The following SUGCT variants were observed in gnomAD, a reference collection of about 807,000 sequenced individuals.
The protein encoded by SUGCT is succinyl-CoA:glutarate CoA-transferase.
A neutral mutation model predicts 55.0 loss-of-function variants in SUGCT; 41 were observed. The observed-to-expected ratio is 0.74, with a 90% CI of 0.58 to 0.97. The LOEUF (loss-of-function observed/expected upper bound fraction) is 0.97. Among genes scored for constraint, SUGCT ranks in the 50% least tolerant of loss-of-function variants. The pLI, the probability that SUGCT is intolerant of heterozygous loss-of-function variation, is 0.00. For missense variants in SUGCT, 568 were observed against 547.8 expected, an observed-to-expected ratio of 1.04 and a Z score of -0.37; for synonymous variants, 187 against 200.4, an observed-to-expected ratio of 0.93 and a Z score of 0.56.
chr7:40,344,468 C>A (rs1797211828), intron 9 of SUGCT, among the ~76,000 whole-genome samples: 1 of 151,984 alleles, frequency 6.6e-6, no homozygotes, highest in African/African-American at 2.4e-5. Flanking sequence ...TGAAAAAAAT[C>A]AAATGAAGAA....
chr7:40,683,623 C>T (rs534624656), intron 12 of SUGCT, among the ~76,000 whole-genome samples: 3 of 152,146 alleles, frequency 2.0e-5, no homozygotes, highest in Non-Finnish European at 4.4e-5. Context: ...GATGGATACT[C>T]CATTGCTTGA....
chr7:40,383,651 G>A (rs571630438), intron 9 of SUGCT, among the ~76,000 whole-genome samples: 11 of 152,310 alleles, frequency 7.2e-5, no homozygotes, highest in African/African-American at 2.6e-4. Flanking sequence ...TAGATAAAAT[G>A]TAGGAATTCT....
chr7:40,217,010 C>T (rs1036376619), intron 6 of SUGCT, among the ~76,000 whole-genome samples: 5 of 151,240 alleles, frequency 3.3e-5, no homozygotes, highest in Non-Finnish European at 5.9e-5. Context: ...GCTGGCATTT[C>T]CCCCCCCTCA....
At chr7:40,974,573 G>A in the SUGCT span, among the ~76,000 whole-genome samples, 2 of 152,158 alleles carry the variant, frequency 1.3e-5, no homozygotes, top group Admixed American at 6.5e-5. Flanking sequence ...CATTTCTGTT[G>A]TTTAAGCCAC....
chr7:40,897,426 G>GACACACACAC, the SUGCT span, among the ~76,000 whole-genome samples: 5,605 of 148,824 alleles, frequency 0.038, 145 homozygotes, highest in South Asian at 0.084. Context: ...AATAAAGCTG[G>GACACACACAC]ACACACACAC....
chr7:40,985,236 G>A, the SUGCT span, among the ~76,000 whole-genome samples: 1 of 152,188 alleles, frequency 6.6e-6, no homozygotes, highest in Non-Finnish European at 1.5e-5. Flanking sequence ...TTCCTTTCTA[G>A]TGAGGAGCAG....
At chr7:40,738,489 T>C (rs1324171131) in intron 12 of SUGCT, among the ~76,000 whole-genome samples, 1 of 152,192 alleles carries the variant, frequency 6.6e-6, no homozygotes, top group Non-Finnish European at 1.5e-5. Context: ...AAAGGTTGCA[T>C]ATATATAGGT....
the SUGCT span, among the ~76,000 whole-genome samples, chr7:40,899,918 T>C: frequency 6.6e-6 from 1 of 152,124 alleles, no homozygotes; most frequent in South Asian, 2.1e-4. Flanking sequence ...TAAGCTTCAT[T>C]ATAAAGATGA....
At chr7:40,209,058 T>C (rs1357302993) in intron 6 of SUGCT, among the ~76,000 whole-genome samples, 1 of 152,184 alleles carries the variant, frequency 6.6e-6, no homozygotes, top group African/African-American at 2.4e-5. Context: ...CCATTGTAAA[T>C]TGTCATTCCT....
intron 12 of SUGCT, among the ~76,000 whole-genome samples, chr7:40,532,790 G>T (rs1297256828): frequency 6.6e-6 from 1 of 152,062 alleles, no homozygotes; most frequent in African/African-American, 2.4e-5. Context: ...TCAACACTAT[G>T]TTCCACAACA....
At position 40,194,937 on chromosome 7, in the gene SUGCT, C is replaced by G; in HGVS notation, c.364-3C>G. The G allele has an allele frequency of 1.9e-6, 3 of 1,611,942 alleles. No homozygotes were observed. Among genetic ancestry groups the G allele is most frequent in the Non-Finnish European group, 2.5e-6 (3 of 1,179,154 alleles). ...TCTGACTCATGTTCACCTCTTCCAT[C>G]AGCTTGCAGCTGTTTGTGATGTGTT... On this transcript the variant is annotated splice_region_variant and splice_polypyrimidine_tract_variant and intron_variant, in intron 5 of 13. Coordinates refer to ENST00000335693, the MANE Select transcript of SUGCT (RefSeq NM_001193313.2).
At chr7:40,510,583 G>A (rs900000944) in intron 12 of SUGCT, among the ~76,000 whole-genome samples, 10 of 152,124 alleles carry the variant, frequency 6.6e-5, no homozygotes, top group Non-Finnish European at 5.9e-5. Context: ...GGAACGTCTT[G>A]TGGTTCTATT....
At chr7:40,488,969 G>C (rs1402039702) in intron 11 of SUGCT, among the ~76,000 whole-genome samples, 1 of 152,014 alleles carries the variant, frequency 6.6e-6, no homozygotes, top group African/African-American at 2.4e-5. Context: ...AATCTGTTTG[G>C]AGATCTTTGA....
chr7:40,282,543 C>T (rs1793034258), intron 8 of SUGCT, among the ~76,000 whole-genome samples: 1 of 151,690 alleles, frequency 6.6e-6, no homozygotes. Flanking sequence ...TATTCAGATG[C>T]AGAAGAATGA....
chr7:40,882,969 A>T, the SUGCT span, among the ~76,000 whole-genome samples: 1 of 152,184 alleles, frequency 6.6e-6, no homozygotes, highest in African/African-American at 2.4e-5. Flanking sequence ...CTTCTAGTAT[A>T]TGTGGATCAG....
chr7:40,760,386 T>C (rs1247545114), intron 13 of SUGCT, among the ~76,000 whole-genome samples: 1 of 151,838 alleles, frequency 6.6e-6, no homozygotes, highest in Non-Finnish European at 1.5e-5. Flanking sequence ...GTACTTAGAG[T>C]AGTCAAGGTC....
intron 12 of SUGCT, among the ~76,000 whole-genome samples, chr7:40,650,031 T>A (rs1328541841): frequency 6.6e-6 from 1 of 152,194 alleles, no homozygotes. Context: ...TGGCCTAGGC[T>A]GCATTCCCAT....
At chr7:40,865,540 A>G (rs1313446790), downstream of SUGCT, among the ~76,000 whole-genome samples, 1 of 152,220 alleles carries the variant, frequency 6.6e-6, no homozygotes, top group African/African-American at 2.4e-5. Flanking sequence ...AGTAAATAAA[A>G]TAGAATGCAG....
intron 6 of SUGCT, among the ~76,000 whole-genome samples, chr7:40,210,478 A>G (rs1175564256): frequency 2.0e-5 from 3 of 148,284 alleles, no homozygotes; most frequent in African/African-American, 2.6e-5. Context: ...GTATATATAT[A>G]TGTGTATATA....
Sources: gnomAD v4.1 joint callset for allele counts (sites outside exome capture counted in the v4.1 genomes callset) on GRCh38, gnomAD v4.1.1 for gene constraint, MANE v1.5 for transcripts, NCBI Gene and HGNC (gene_info 2026-07-23, HGNC 2026-07-21) for gene names.